Variants in ZFHX3 observed in about 807,000 individuals in gnomAD.
ZFHX3 encodes the protein zinc finger homeobox 3.
Under a neutral mutation model 279.1 loss-of-function variants are expected in ZFHX3, and 42 were observed. The observed-to-expected ratio is 0.15, with a 90% CI of 0.12 to 0.19. The LOEUF is 0.19. ZFHX3 is among the 10% of genes least tolerant of loss of function. The probability of loss-of-function intolerance (pLI) is 1.00; values close to 1 mark genes in which losing one functional copy is unlikely to be tolerated. For missense variants in ZFHX3, 4,981 were observed against 4,754.0 expected, an observed-to-expected ratio of 1.05 and a Z score of -1.40; for synonymous variants, 2,293 against 1,957.8, an observed-to-expected ratio of 1.17 and a Z score of -4.52.
chr16:73,576,276 G>C (rs2051798562), intron 2 of ZFHX3, among the ~76,000 whole-genome samples: 2 of 152,238 alleles, frequency 1.3e-5, no homozygotes, highest in East Asian at 1.9e-4. Flanking sequence ...TCATCAACTT[G>C]TAAAAACAAT....
At chr16:73,856,245 G>A (rs1961724196) in intron 1 of ZFHX3, among the ~76,000 whole-genome samples, 1 of 152,004 alleles carries the variant, frequency 6.6e-6, no homozygotes. Flanking sequence ...TTTTTATTTT[G>A]TGTGCTATTC....
At chr16:73,549,844 C>T (rs1229367645) in intron 2 of ZFHX3, among the ~76,000 whole-genome samples, 4 of 151,286 alleles carry the variant, frequency 2.6e-5, no homozygotes, top group African/African-American at 4.9e-5. Flanking sequence ...ATCGGACGAG[C>T]GCTACATTTG....
chr16:73,627,933 G>C (rs1457516294), intron 2 of ZFHX3, among the ~76,000 whole-genome samples: 1 of 152,088 alleles, frequency 6.6e-6, no homozygotes, highest in East Asian at 1.9e-4. Flanking sequence ...GAAAAGAAAA[G>C]AAAACAGCTG....
At chr16:73,551,748 A>G (rs1475156214) in intron 2 of ZFHX3, among the ~76,000 whole-genome samples, 3 of 152,214 alleles carry the variant, frequency 2.0e-5, no homozygotes, top group Non-Finnish European at 2.9e-5. Flanking sequence ...ACATGTACCC[A>G]CAGCCCACTT....
chr16:73,647,013 C>CTTT (rs4003260), intron 2 of ZFHX3, among the ~76,000 whole-genome samples: 13,457 of 145,944 alleles, frequency 0.092, 679 homozygotes, highest in Middle Eastern at 0.12. Context: ...TTGTGCCAAC[C>CTTT]TTTTTTTTTT....
intron 7 of ZFHX3, among the ~76,000 whole-genome samples, chr16:72,803,204 T>A (rs1449078145): frequency 6.6e-6 from 1 of 152,094 alleles, no homozygotes; most frequent in Admixed American, 6.5e-5. Context: ...TGGTGGCTCA[T>A]GCCTGTAGTC....
chr16:73,179,122 C>A (rs1442792918), intron 5 of ZFHX3, among the ~76,000 whole-genome samples: 1 of 152,164 alleles, frequency 6.6e-6, no homozygotes, highest in African/African-American at 2.4e-5. Flanking sequence ...TATATTCTCA[C>A]CAAATTTATG....
At chr16:73,230,887 G>A (rs1240576585) in intron 5 of ZFHX3, among the ~76,000 whole-genome samples, 1 of 152,198 alleles carries the variant, frequency 6.6e-6, no homozygotes, top group Non-Finnish European at 1.5e-5. Context: ...CTCTTTTCAG[G>A]ACAGGAGGGC....
chr16:73,249,755 T>G (rs145063130), intron 5 of ZFHX3, among the ~76,000 whole-genome samples: 14 of 149,192 alleles, frequency 9.4e-5, no homozygotes, highest in Admixed American at 2.0e-4. Context: ...CAAATAGTAC[T>G]GACATATAAG....
intron 1 of ZFHX3, among the ~76,000 whole-genome samples, chr16:73,797,318 CT>C: frequency 6.6e-6 from 1 of 152,310 alleles, no homozygotes; most frequent in Non-Finnish European, 1.5e-5. Flanking sequence ...TAAAATTACT[CT>C]GAGTTTTAAA....
intron 2 of ZFHX3, among the ~76,000 whole-genome samples, chr16:73,657,575 C>G (rs2052735791): frequency 6.6e-6 from 1 of 152,096 alleles, no homozygotes. Flanking sequence ...AACCTAGTAC[C>G]CTTTAGCAAT....
In ZFHX3 at chr16:72,992,806, G is replaced by A. The variant is rs147215048; in HGVS notation, c.-49-32612C>T. ...TGCACACGAAACTCATTCCAGCCGC[G>A]GAAGGAAGGCACCAAAGAGCCTTCG... On this transcript the variant is annotated intron_variant, in intron 1 of 9. Coordinates refer to ENST00000268489, the MANE Select transcript of ZFHX3 (RefSeq NM_006885.4). 1.7e-3 allele frequency among the ~76,000 whole-genome samples: 265 copies of A among 152,320 alleles called. 1 individual carries two copies. The highest frequency in any genetic ancestry group is 0.014 in the Middle Eastern group (4 of 292).
chr16:73,450,217 T>C (rs1380212927), intron 3 of ZFHX3, among the ~76,000 whole-genome samples: 4 of 152,186 alleles, frequency 2.6e-5, no homozygotes, highest in African/African-American at 9.7e-5. Flanking sequence ...AACACAGTGT[T>C]TTTCATTACA....
intron 4 of ZFHX3, among the ~76,000 whole-genome samples, chr16:73,301,430 T>C (rs1266664377): frequency 6.6e-6 from 1 of 152,206 alleles, no homozygotes; most frequent in Non-Finnish European, 1.5e-5. Flanking sequence ...TTTTTTACTG[T>C]AGGGGCTGTC....
At chr16:73,819,810 G>A (rs970815330) in intron 1 of ZFHX3, among the ~76,000 whole-genome samples, 4 of 152,078 alleles carry the variant, frequency 2.6e-5, no homozygotes, top group Non-Finnish European at 5.9e-5. Context: ...TTAGTCCAAT[G>A]GACTAATGCC....
chr16:73,147,591 C>G (rs1027785244), intron 5 of ZFHX3, among the ~76,000 whole-genome samples: 1 of 144,922 alleles, frequency 6.9e-6, no homozygotes, highest in Non-Finnish European at 1.5e-5. Flanking sequence ...ACTCGGGAGG[C>G]TGAGGCAGGA....
At chr16:73,311,613 GAA>G (rs2015328523) in intron 4 of ZFHX3, among the ~76,000 whole-genome samples, 1 of 18,574 alleles carries the variant, frequency 5.4e-5, no homozygotes, top group South Asian at 1.9e-3. Flanking sequence ...AAAAAAAAAA[GAA>G]GTCACCAAAA....
At chr16:73,831,519 C>T (rs139581520) in intron 1 of ZFHX3, among the ~76,000 whole-genome samples, 40 of 152,314 alleles carry the variant, frequency 2.6e-4, no homozygotes, top group African/African-American at 9.1e-4. Context: ...ATCTACACGA[C>T]GCCTATTAAC....
At chr16:73,313,609 G>T (rs1567447743) in intron 4 of ZFHX3, among the ~76,000 whole-genome samples, 1 of 152,124 alleles carries the variant, frequency 6.6e-6, no homozygotes, top group Non-Finnish European at 1.5e-5. Context: ...TTAAAACCTG[G>T]CACTTCAGAC....
Sources: gnomAD v4.1 joint callset for allele counts (sites outside exome capture counted in the v4.1 genomes callset) on GRCh38, gnomAD v4.1.1 for gene constraint, MANE v1.5 for transcripts, NCBI Gene and HGNC (gene_info 2026-07-23, HGNC 2026-07-21) for gene names.